The following ALG14 variants were observed in gnomAD, a reference collection of about 807,000 sequenced individuals.
ALG14 encodes the protein UDP-N-acetylglucosamine transferase subunit ALG14.
A neutral mutation model predicts 22.8 loss-of-function variants in ALG14; 17 were observed. The ratio of observed to expected loss-of-function variants is 0.75; its 90% CI spans 0.51 to 1.12. ALG14 has a LOEUF of 1.12. Among genes scored for constraint, ALG14 ranks in the 50% most tolerant of loss-of-function variants. The pLI, the probability that ALG14 is intolerant of heterozygous loss-of-function variation, is 0.00. For missense variants in ALG14, 288 were observed against 271.8 expected (o/e 1.06, Z -0.42); for synonymous variants, 89 against 103.7 (o/e 0.86, Z 0.86).
Position 94,978,309 on chromosome 1 carries a change from C to T in ALG14, c.*4767G>A, listed in dbSNP as rs985611845. The T allele has an allele frequency of 6.6e-6, 1 of 152,158 alleles. No individual in the cohort carries two copies. Among genetic ancestry groups the T allele is most frequent in the Non-Finnish European group, 1.5e-5 (1 of 68,072 alleles). The allele number at this position is 152,158 out of a possible 1,614,324, so 9.4% of individuals were successfully genotyped here. On this transcript the variant is annotated 3_prime_UTR_variant, in exon 4 of 4. Coordinates refer to ENST00000370205, the MANE Select transcript of ALG14 (RefSeq NM_144988.4). ...AACTCCTGACCTTGTGATACACCCA[C>T]CTTGGCCTCCCAAAGTGCTGGGATT...
chr1:95,056,008 C>CAAA (rs71588538), intron 2 of ALG14, among the ~76,000 whole-genome samples: 45 of 107,128 alleles, frequency 4.2e-4, no homozygotes, highest in African/African-American at 1.2e-3. Flanking sequence ...GACTCTGTCT[C>CAAA]AAAAAAAAAA....
intron 2 of ALG14, among the ~76,000 whole-genome samples, chr1:95,056,577 C>T (rs776218376): frequency 2.0e-5 from 3 of 151,832 alleles, no homozygotes; most frequent in African/African-American, 7.3e-5. Flanking sequence ...CTGGGAAGAT[C>T]GAGGCTGCAG....
intron 2 of ALG14, among the ~76,000 whole-genome samples, chr1:95,053,924 C>T (rs865946161): frequency 1.3e-5 from 2 of 152,120 alleles, no homozygotes; most frequent in Non-Finnish European, 2.9e-5. Flanking sequence ...TCAACAAATA[C>T]CAAGGAACTT....
chr1:95,018,606 G>C (rs1314259985), intron 3 of ALG14, among the ~76,000 whole-genome samples: 5 of 151,808 alleles, frequency 3.3e-5, no homozygotes, highest in Non-Finnish European at 5.9e-5. Flanking sequence ...GTAAATATGG[G>C]GAATTCTTTT....
At chr1:94,990,568 C>T (rs1051086238) in intron 3 of ALG14, among the ~76,000 whole-genome samples, 6 of 152,198 alleles carry the variant, frequency 3.9e-5, no homozygotes, top group Non-Finnish European at 7.3e-5. Context: ...TACTTTTCCA[C>T]GTATACAACT....
At chr1:95,066,412 C>CA (rs1458142961) in intron 1 of ALG14, among the ~76,000 whole-genome samples, 2 of 152,090 alleles carry the variant, frequency 1.3e-5, no homozygotes, top group African/African-American at 2.4e-5. Context: ...TTAGTAGAGA[C>CA]AGAGTTTCAC....
At chr1:95,019,656 G>T (rs569903001) in intron 3 of ALG14, among the ~76,000 whole-genome samples, 1 of 152,276 alleles carries the variant, frequency 6.6e-6, no homozygotes, top group South Asian at 2.1e-4. Context: ...TGGTATGAGT[G>T]GAATTTCAAA....
intron 2 of ALG14, among the ~76,000 whole-genome samples, chr1:95,059,903 T>C (rs1382371210): frequency 6.6e-6 from 1 of 152,016 alleles, no homozygotes; most frequent in Non-Finnish European, 1.5e-5. Flanking sequence ...TTGGCTAATA[T>C]GGGTTCTTCC....
chr1:95,060,025 C>T (rs535879845), intron 2 of ALG14, among the ~76,000 whole-genome samples: 22 of 77,240 alleles, frequency 2.8e-4, no homozygotes, highest in South Asian at 1.1e-3. Flanking sequence ...AGAAAAAGAT[C>T]AGTAGGGAAA....
At position 94,977,899 on chromosome 1, in the gene ALG14, C is replaced by G. The variant is rs1362361267; in HGVS notation, c.*5177G>C. 6.6e-6 allele frequency: 1 copy of G among 152,184 alleles called. No homozygotes were observed. The highest frequency in any genetic ancestry group is 6.5e-5 in the Admixed American group (1 of 15,276). The allele number at this position is 152,184 out of a possible 1,614,324, so 9.4% of individuals were successfully genotyped here. On this transcript the variant is annotated 3_prime_UTR_variant, in exon 4 of 4. Coordinates refer to ENST00000370205, the MANE Select transcript of ALG14 (RefSeq NM_144988.4). ...CTCCTGGGCTCAGGTGATCCATCCACCTCGGCCTCCCAAAGTGCTGGGATT... is the reference window on the plus strand; with the variant it reads ...CTCCTGGGCTCAGGTGATCCATCCAGCTCGGCCTCCCAAAGTGCTGGGATT...
intron 2 of ALG14, among the ~76,000 whole-genome samples, chr1:95,027,735 A>G (rs923942951): frequency 1.3e-5 from 2 of 152,252 alleles, no homozygotes; most frequent in Non-Finnish European, 2.9e-5. Context: ...ACAGTGGATA[A>G]CCAGTGTTGT....
chr1:95,064,578 T>A (rs1675287419), intron 2 of ALG14, among the ~76,000 whole-genome samples: 1 of 152,212 alleles, frequency 6.6e-6, no homozygotes, highest in African/African-American at 2.4e-5. Flanking sequence ...TGTGATGAAT[T>A]ACATTTATTG....
At chr1:95,052,054 A>G (rs1674768838) in intron 2 of ALG14, among the ~76,000 whole-genome samples, 2 of 152,350 alleles carry the variant, frequency 1.3e-5, no homozygotes, top group South Asian at 2.1e-4. Flanking sequence ...TATTCAATAA[A>G]TATTTGTTAA....
intron 1 of ALG14, among the ~76,000 whole-genome samples, chr1:95,066,860 C>T (rs948278404): frequency 3.9e-4 from 57 of 147,642 alleles, no homozygotes; most frequent in African/African-American, 1.4e-3. Context: ...GACTCTGTCT[C>T]AAAAAAGAAA....
chr1:95,062,959 CT>C (rs1675217641), intron 2 of ALG14, among the ~76,000 whole-genome samples: 1 of 152,176 alleles, frequency 6.6e-6, no homozygotes, highest in Non-Finnish European at 1.5e-5. Context: ...TCACCAACAT[CT>C]GTTGTTTCTG....
rs66637982 is a variant in ALG14 at position 95,013,929 on chromosome 1, T to TA, written c.420+13199dup. 2.4e-3 allele frequency among the ~76,000 whole-genome samples: 344 copies of TA among 145,028 alleles called. 2 individuals are homozygous for TA. The highest frequency in any genetic ancestry group is 3.1e-3 in the South Asian group (14 of 4,588). On this transcript the variant is annotated intron_variant, in intron 3 of 3. Transcript: ENST00000370205. ...CATTGCCTTTAAATCACTTTTTTCT[T>TA]AAAAAAAAAAAAAAACCCTTCCAGC...
In ALG14 at chr1:95,027,225, G is replaced by C. The variant is rs1361525574; in HGVS notation, c.324C>G (p.Ser108Arg). The change falls in exon 3 of 4, where the codon AGC (serine) becomes AGG (arginine). Residue 108 changes from serine to arginine, a missense_variant. Transcript: ENST00000370205. The part of the protein sequence containing the change: ...TKYYIHRIPR[S>R]REVQQSWPST... ...AGGGCCAGGACTGCTGAACCTCCCG[G>C]CTTCTTGGAATTCGGTGAATGTAGT... 1 of 1,614,170 alleles carries C rather than the reference G, an allele frequency of 6.2e-7. No homozygotes were observed. The highest frequency in any genetic ancestry group is 1.1e-5 in the South Asian group (1 of 91,078).
intron 2 of ALG14, among the ~76,000 whole-genome samples, chr1:95,064,617 C>T (rs1675289188): frequency 6.6e-6 from 1 of 152,142 alleles, no homozygotes; most frequent in Admixed American, 6.5e-5. Context: ...AACCTTGCAT[C>T]CCGGGTATGA....
chr1:95,043,074 T>C (rs1422395484), intron 2 of ALG14, among the ~76,000 whole-genome samples: 1 of 152,200 alleles, frequency 6.6e-6, no homozygotes, highest in Non-Finnish European at 1.5e-5. Context: ...TCTTAGTTTT[T>C]TAAAAAATAG....
Sources: allele counts gnomAD v4.1 joint callset (sites outside exome capture counted in the v4.1 genomes callset), GRCh38; gene constraint gnomAD v4.1.1; transcripts MANE v1.5; gene names NCBI Gene and HGNC (gene_info 2026-07-23, HGNC 2026-07-21).